ZMYM2: variants seen among roughly 807,000 people sequenced by gnomAD.
ZMYM2 encodes the protein zinc finger MYM-type containing 2, also known as zinc finger MYM-type protein 2.
In ZMYM2, 56 loss-of-function variants were observed where a neutral mutation model predicts 162.8. The ratio of observed to expected loss-of-function variants is 0.34; its 90% CI spans 0.28 to 0.43. The LOEUF (loss-of-function observed/expected upper bound fraction) is 0.43. Ranked by LOEUF, ZMYM2 falls within the 20% of genes least tolerant of loss-of-function variation. The pLI, the probability that ZMYM2 is intolerant of heterozygous loss-of-function variation, is 1.00. For missense variants in ZMYM2, 1,275 were observed against 1,621.8 expected (o/e 0.79, Z 3.67); for synonymous variants, 510 against 541.6 (o/e 0.94, Z 0.81).
chr13:20,037,188 TTG>T (rs1442588285), intron 12 of ZMYM2, among the ~76,000 whole-genome samples: 13 of 152,072 alleles, frequency 8.5e-5, no homozygotes, highest in African/African-American at 3.1e-4. Flanking sequence ...CTAAAATTTG[TTG>T]TGTCTTTATT....
chr13:20,021,090 C>T (rs1480946347), intron 7 of ZMYM2, among the ~76,000 whole-genome samples: 1 of 151,254 alleles, frequency 6.6e-6, no homozygotes, highest in African/African-American at 2.5e-5. Context: ...ATTCTCCTGC[C>T]TCAGCCTCCC....
chr13:20,079,316 C>CAA (rs1158594782), intron 21 of ZMYM2, among the ~76,000 whole-genome samples: 1,469 of 23,132 alleles, frequency 0.064, 231 homozygotes, highest in African/African-American at 0.098. Flanking sequence ...GACTCTGTCT[C>CAA]AAAAAAAAAA....
intron 1 of ZMYM2, 101 bp downstream of exon 1, chr13:19,958,942 CTAGGGAGGCGGA>C (rs1369178928): frequency 6.6e-6 from 1 of 152,404 alleles, no homozygotes; most frequent in Non-Finnish European, 1.5e-5. Context: ...GCGGAGGCGA[CTAGGGAGGCGGA>C]GATGGGTGAG....
chr13:19,919,546 G>A, the ZMYM2 span, among the ~76,000 whole-genome samples: 1 of 152,002 alleles, frequency 6.6e-6, no homozygotes, highest in African/African-American at 2.4e-5. Context: ...TCTAATGCAT[G>A]TGTATTGATA....
At chr13:20,070,563 A>T (rs984372892) in intron 21 of ZMYM2, 1 of 152,736 alleles carries the variant, frequency 6.5e-6, no homozygotes, top group Non-Finnish European at 1.5e-5. Context: ...ACCAGGCTGG[A>T]GCCCAGTGGC....
intron 14 of ZMYM2, among the ~76,000 whole-genome samples, chr13:20,053,059 T>C (rs1256768492): frequency 6.6e-6 from 1 of 152,190 alleles, no homozygotes; most frequent in Non-Finnish European, 1.5e-5. Context: ...AAGAGTTTTA[T>C]AGGTTGAAAG....
intron 3 of ZMYM2, among the ~76,000 whole-genome samples, chr13:19,999,162 G>A (rs1253897472): frequency 1.3e-5 from 2 of 152,172 alleles, no homozygotes; most frequent in African/African-American, 4.8e-5. Context: ...CTTTGCAGTG[G>A]TAGAGGAATT....
chr13:20,014,432 T>C (rs1209079070), intron 6 of ZMYM2, among the ~76,000 whole-genome samples: 1 of 152,184 alleles, frequency 6.6e-6, no homozygotes, highest in East Asian at 1.9e-4. Context: ...TATGTCTTCT[T>C]GTGTCAGTTT....
intron 3 of ZMYM2, 100 bp downstream of exon 3, chr13:19,994,019 CAT>C: frequency 7.7e-7 from 1 of 1,302,122 alleles, no homozygotes; most frequent in Non-Finnish European, 1.0e-6. Flanking sequence ...TTAGTTTCAT[CAT>C]GTGAAATATG....
At chr13:20,024,874 T>C (rs1952437448) in intron 7 of ZMYM2, 1 of 215,698 alleles carries the variant, frequency 4.6e-6, no homozygotes, top group Non-Finnish European at 9.3e-6. Flanking sequence ...AAAAGCAAAG[T>C]TGAGGGCTTC....
intron 6 of ZMYM2, 29 bp from the exon 7 acceptor site, chr13:20,019,518 T>TA: frequency 6.5e-7 from 1 of 1,541,388 alleles, no homozygotes; most frequent in African/African-American, 1.4e-5. Context: ...TTATGTGTGT[T>TA]TATAAAGTCT....
At chr13:20,081,190 C>T (rs1237303706) in intron 21 of ZMYM2, among the ~76,000 whole-genome samples, 2 of 151,774 alleles carry the variant, frequency 1.3e-5, no homozygotes, top group Non-Finnish European at 2.9e-5. Flanking sequence ...TTATTTGTAC[C>T]TCTTAAGTTT....
chr13:20,075,630 T>C (rs537491142), intron 21 of ZMYM2, among the ~76,000 whole-genome samples: 65 of 150,446 alleles, frequency 4.3e-4, no homozygotes, highest in African/African-American at 1.4e-3. Flanking sequence ...TGAACACATA[T>C]CCGTCATACT....
At chr13:19,980,013 G>GT (rs990395224) in intron 2 of ZMYM2, among the ~76,000 whole-genome samples, 27 of 151,220 alleles carry the variant, frequency 1.8e-4, no homozygotes, top group Non-Finnish European at 2.7e-4. Context: ...TATTTCATCT[G>GT]TTTTTTTTAT....
At chr13:19,872,661 T>C in the ZMYM2 span, among the ~76,000 whole-genome samples, 15 of 152,346 alleles carry the variant, frequency 9.8e-5, no homozygotes, top group East Asian at 2.9e-3. Flanking sequence ...TACGCTTTCA[T>C]TCAGATTCTC....
intron 19 of ZMYM2, 28 bp from the exon 20 acceptor site, chr13:20,066,823 A>G (rs1956717222): frequency 6.6e-7 from 1 of 1,514,428 alleles, no homozygotes; most frequent in Non-Finnish European, 8.8e-7. Context: ...TTTAAAAAAG[A>G]TATTATTATG....
chr13:20,035,049 T>C (rs1953554361), intron 11 of ZMYM2, among the ~76,000 whole-genome samples: 1 of 152,232 alleles, frequency 6.6e-6, no homozygotes, highest in Non-Finnish European at 1.5e-5. Context: ...GTGACATTCT[T>C]GCTCTAAGCT....
At chr13:19,917,257 C>T in the ZMYM2 span, among the ~76,000 whole-genome samples, 1 of 152,040 alleles carries the variant, frequency 6.6e-6, no homozygotes, top group African/African-American at 2.4e-5. Flanking sequence ...CCACCACGCC[C>T]GGCTTGAAGG....
chr13:19,912,542 C>G, the ZMYM2 span, among the ~76,000 whole-genome samples: 1 of 151,900 alleles, frequency 6.6e-6, no homozygotes, highest in Non-Finnish European at 1.5e-5. Context: ...CTAAGTTGTC[C>G]AGGCTGGTAT....
Sources: gnomAD v4.1 joint callset for allele counts (sites outside exome capture counted in the v4.1 genomes callset) on GRCh38, gnomAD v4.1.1 for gene constraint, MANE v1.5 for transcripts, NCBI Gene and HGNC (gene_info 2026-07-23, HGNC 2026-07-21) for gene names.